The following HM13 variants were observed in gnomAD, a reference collection of about 807,000 sequenced individuals.
HM13 encodes the protein histocompatibility minor 13.
In HM13, 18 loss-of-function variants were observed where a neutral mutation model predicts 50.0. The ratio of observed to expected loss-of-function variants is 0.36; its 90% CI spans 0.25 to 0.53. The LOEUF (loss-of-function observed/expected upper bound fraction) is 0.53, where lower values mean the gene tolerates loss of function less well. HM13 is among the 20% of genes least tolerant of loss of function. The pLI is 0.90. For missense variants in HM13, 393 were observed against 552.4 expected (o/e 0.71, Z 2.89); for synonymous variants, 197 against 232.6 (o/e 0.85, Z 1.39).
At chr20:31,536,054 C>G (rs1983087845) in intron 2 of HM13, among the ~76,000 whole-genome samples, 1 of 152,084 alleles carries the variant, frequency 6.6e-6, no homozygotes, top group Non-Finnish European at 1.5e-5. Context: ...ACACGTCTTG[C>G]AGCTCCAATT....
intron 9 of HM13, among the ~76,000 whole-genome samples, chr20:31,560,223 A>G (rs6059983): frequency 0.31 from 47,213 of 152,120 alleles, 12,150 homozygotes; most frequent in African/African-American, 0.71. Flanking sequence ...GGTCTTATCC[A>G]AGTTAATGCA....
At chr20:31,527,853 G>T in intron 2 of HM13, 1 of 347,822 alleles carries the variant, frequency 2.9e-6, no homozygotes, top group South Asian at 5.8e-5. Flanking sequence ...TGTTGGGATG[G>T]GGTATAGCTT....
intron 4 of HM13, among the ~76,000 whole-genome samples, chr20:31,545,333 G>A (rs1983654216): frequency 6.6e-6 from 1 of 151,862 alleles, no homozygotes; most frequent in African/African-American, 2.4e-5. Context: ...GTCAATAAGT[G>A]GAAAGCATTC....
intron 2 of HM13, among the ~76,000 whole-genome samples, chr20:31,530,371 G>A (rs1982740723): frequency 6.6e-6 from 1 of 150,760 alleles, no homozygotes; most frequent in Non-Finnish European, 1.5e-5. Flanking sequence ...TACCACGGAG[G>A]TATTTTTATA....
intron 8 of HM13, among the ~76,000 whole-genome samples, chr20:31,557,196 T>C (rs1383177613): frequency 6.6e-6 from 1 of 152,180 alleles, no homozygotes; most frequent in East Asian, 1.9e-4. Context: ...TTTGCAGTGC[T>C]GTGAGGCAGG....
At chr20:31,522,364 A>T (rs1982216494) in intron 1 of HM13, among the ~76,000 whole-genome samples, 1 of 152,040 alleles carries the variant, frequency 6.6e-6, no homozygotes, top group African/African-American at 2.4e-5. Context: ...GGAGTTTGAG[A>T]CCAGCCTGGC....
At chr20:31,528,460 G>C (rs1982622097) in intron 2 of HM13, among the ~76,000 whole-genome samples, 1 of 151,902 alleles carries the variant, frequency 6.6e-6, no homozygotes. Context: ...GGGATTATAG[G>C]CACGCACCAC....
chr20:31,514,583 G>A lies in HM13; in HGVS notation c.32G>A (p.Gly11Asp). The A allele has an allele frequency of 6.2e-7, 1 of 1,605,398 alleles. No homozygotes were observed. Residue 11 changes from glycine to aspartate, a missense_variant, in exon 1 of 13, where the codon GGC becomes GAC. Gly to Asp is a moderately conservative substitution (Grantham distance 94, BLOSUM62 -1). Around this residue, in one of 3 missense-constraint regions of HM13, gnomAD observed 214 missense variants for 276.1 expected, o/e 0.77. Transcript: ENST00000398174. The surrounding 1 kb of genome is among the most constrained non-coding windows in gnomAD (Gnocchi z 4.3). ...TCGGCCCTCAGCGATCCGCATAACGGCAGTGCCGAGGCAGGCGGCCCCACC... is the reference window on the plus strand; with the variant it reads ...TCGGCCCTCAGCGATCCGCATAACGACAGTGCCGAGGCAGGCGGCCCCACC... Reference protein sequence around the residue: MDSALSDPHNGSAEAGGPTNS... With the variant: MDSALSDPHNDSAEAGGPTNS...
intron 1 of HM13, among the ~76,000 whole-genome samples, chr20:31,519,091 T>C (rs1411727754): frequency 6.6e-6 from 1 of 152,124 alleles, no homozygotes; most frequent in Non-Finnish European, 1.5e-5. Flanking sequence ...CATATACTTT[T>C]CCCTGATTTT....
rs1243427410 is a variant in HM13, at chr20:31,514,754, C to A, written c.183+20C>A. 6 of 1,506,422 alleles carry A rather than the reference C, an allele frequency of 4.0e-6. No individual in the cohort carries two copies. The East Asian group carries it at 1.5e-4, about 37-fold the overall frequency. The allele number at this position is 1,506,422 out of a possible 1,614,324, so 93.3% of individuals were successfully genotyped here. A position where few individuals can be genotyped will look rare whatever the true frequency, so the allele number is the denominator to read the frequency against. ...GGCAAGGTAGGGTCAGCGGGAAAACCGGGCACTTTCCACCCCCATACCGAA... is the reference window on the plus strand; with the variant it reads ...GGCAAGGTAGGGTCAGCGGGAAAACAGGGCACTTTCCACCCCCATACCGAA... On this transcript the variant is annotated intron_variant, in intron 1 of 12. Transcript: ENST00000398174. The surrounding 1 kb of genome is among the most constrained non-coding windows in gnomAD (Gnocchi z 4.3).
In HM13 at chr20:31,538,195, A is replaced by G. The variant is rs767054259; in HGVS notation, c.299A>G (p.Tyr100Cys). Residue 100 changes from tyrosine to cysteine, a missense_variant, in exon 3 of 13, where the codon TAC becomes TGC. Transcript: ENST00000398174. ...YLFFKIFSQE[Y>C]INLLLSMYFF... ...CTGCCTCAGATATTCTCCCAGGAGT[A>G]CATCAACCTCCTGCTGTCCATGTAT... The G allele has an allele frequency of 1.2e-6, 2 of 1,613,870 alleles. No homozygotes were observed. Among genetic ancestry groups the G allele is most frequent in the Non-Finnish European group, 1.7e-6 (2 of 1,179,774 alleles).
intron 11 of HM13, chr20:31,567,747 A>C: frequency 3.9e-6 from 1 of 258,848 alleles, no homozygotes. Context: ...TGATGTGTGT[A>C]TACTTTTTCT....
At chr20:31,520,449 G>A (rs540572306) in intron 1 of HM13, among the ~76,000 whole-genome samples, 7 of 151,956 alleles carry the variant, frequency 4.6e-5, no homozygotes, top group African/African-American at 9.7e-5. Context: ...AATTACAGGC[G>A]CGTGCCACTA....
chr20:31,549,639 G>C (rs1983921442), intron 6 of HM13, among the ~76,000 whole-genome samples: 1 of 152,176 alleles, frequency 6.6e-6, no homozygotes, highest in Admixed American at 6.5e-5. Context: ...AAGAAGTTCA[G>C]GTAGGGGTGG....
At chr20:31,518,223 C>T (rs796220961) in intron 1 of HM13, among the ~76,000 whole-genome samples, 1 of 151,400 alleles carries the variant, frequency 6.6e-6, no homozygotes. Flanking sequence ...TTAGTAGAGA[C>T]GGGATTTCTC....
intron 2 of HM13, 35 bp downstream of exon 2, chr20:31,527,617 T>G (rs2122559875): frequency 1.5e-6 from 2 of 1,339,010 alleles, no homozygotes; most frequent in Non-Finnish European, 2.1e-6. Flanking sequence ...TCATTTGATC[T>G]AAATGACTTT....
intron 1 of HM13, among the ~76,000 whole-genome samples, chr20:31,522,217 T>C (rs568642072): frequency 6.6e-6 from 1 of 152,290 alleles, no homozygotes; most frequent in African/African-American, 2.4e-5. Flanking sequence ...CCTGAGCCTC[T>C]GCATGTGCAT....
At chr20:31,524,257 A>C (rs991247702) in intron 1 of HM13, among the ~76,000 whole-genome samples, 1 of 152,068 alleles carries the variant, frequency 6.6e-6, no homozygotes, top group African/African-American at 2.4e-5. Flanking sequence ...TAAAAAAAAA[A>C]GAAGGCTCTT....
intron 4 of HM13, chr20:31,547,842 T>C (rs1983810554): frequency 3.2e-6 from 3 of 941,650 alleles, no homozygotes; most frequent in Non-Finnish European, 5.3e-6. Context: ...ATATTATGTG[T>C]CCAGGTTTAA....
Sources: allele counts gnomAD v4.1 joint callset (sites outside exome capture counted in the v4.1 genomes callset), GRCh38; gene constraint gnomAD v4.1.1; regional missense constraint gnomAD v4.1.1; non-coding constraint Gnocchi (gnomAD v3.1); transcripts MANE v1.5; gene names NCBI Gene and HGNC (gene_info 2026-07-23, HGNC 2026-07-21).